Variants in P2RY14 observed in about 807,000 individuals in gnomAD.
P2RY14 encodes purinergic receptor P2Y14, also known as P2Y purinoceptor 14.
Under a neutral mutation model 0.9 loss-of-function variants are expected in P2RY14, and 2 were observed. The ratio of observed to expected loss-of-function variants is 2.16; its 90% confidence interval spans 0.88 to 6.79. The LOEUF is 6.79. Among genes scored for constraint, P2RY14 ranks in the 30% most tolerant of loss-of-function variants. The pLI, the probability that P2RY14 is intolerant of heterozygous loss-of-function variation, is 0.05. For missense variants in P2RY14, 378 were observed against 400.1 expected (o/e 0.94, Z 0.47); for synonymous variants, 158 against 147.2 (o/e 1.07, Z -0.53).
intron 1 of P2RY14, among the ~76,000 whole-genome samples, chr3:151,266,520 T>A (rs1036979984): frequency 1.3e-5 from 2 of 152,242 alleles, no homozygotes; most frequent in Non-Finnish European, 2.9e-5. Flanking sequence ...CAGTCCTTTT[T>A]AAAAATCGCG....
At chr3:151,217,454 G>A (rs1452630506) in intron 2 of P2RY14, among the ~76,000 whole-genome samples, 1 of 152,200 alleles carries the variant, frequency 6.6e-6, no homozygotes, top group Non-Finnish European at 1.5e-5. Flanking sequence ...CTTTGAGTTG[G>A]ATGGAAGGGA....
chr3:151,277,226 A>T (rs146227228), intron 1 of P2RY14, among the ~76,000 whole-genome samples: 112 of 151,380 alleles, frequency 7.4e-4, no homozygotes, highest in African/African-American at 2.6e-3. Flanking sequence ...TTTTTTCCAG[A>T]CATGACAATA....
intron 1 of P2RY14, among the ~76,000 whole-genome samples, chr3:151,236,631 T>C (rs1339044559): frequency 6.6e-6 from 1 of 152,216 alleles, no homozygotes; most frequent in African/African-American, 2.4e-5. Context: ...TCTTTCACTT[T>C]TCCTGTTTTA....
chr3:151,271,948 A>G (rs551503622), intron 1 of P2RY14, among the ~76,000 whole-genome samples: 1 of 152,344 alleles, frequency 6.6e-6, no homozygotes, highest in Admixed American at 6.5e-5. Flanking sequence ...TCAAACCTCA[A>G]TGAACTCTAC....
intron 1 of P2RY14, among the ~76,000 whole-genome samples, chr3:151,235,571 G>A (rs1481841042): frequency 6.6e-6 from 1 of 152,130 alleles, no homozygotes; most frequent in East Asian, 1.9e-4. Flanking sequence ...GGGCGTGCCT[G>A]TAATCCCAGT....
chr3:151,237,996 T>C (rs1733266103), intron 1 of P2RY14, among the ~76,000 whole-genome samples: 1 of 152,190 alleles, frequency 6.6e-6, no homozygotes, highest in African/African-American at 2.4e-5. Context: ...TGACTTACTG[T>C]TTTCACTTTT....
At chr3:151,215,070 G>A (rs1019155125) in intron 2 of P2RY14, among the ~76,000 whole-genome samples, 2 of 151,354 alleles carry the variant, frequency 1.3e-5, no homozygotes, top group East Asian at 1.9e-4. Flanking sequence ...AATGTTAACC[G>A]GTATTTTTGG....
chr3:151,214,679 A>G lies in P2RY14; in HGVS notation c.-24-339T>C, dbSNP rs1727854106. 2.0e-5 allele frequency among the ~76,000 whole-genome samples: 3 copies of G among 151,816 alleles called. 1 individual carries two copies. Among genetic ancestry groups the G allele is most frequent in the South Asian group, 4.2e-4 (2 of 4,816 alleles). On this transcript the variant is annotated intron_variant, in intron 2 of 2. Coordinates refer to ENST00000309170, the MANE Select transcript of P2RY14 (RefSeq NM_014879.4). ...AAGAATGGAGCAGACAGGTGGCAGT[A>G]AAGAGAAACTGGAGCAGCAGGGCAG...
intron 2 of P2RY14, among the ~76,000 whole-genome samples, chr3:151,217,558 A>G (rs1038740721): frequency 2.6e-5 from 4 of 152,152 alleles, no homozygotes; most frequent in African/African-American, 7.2e-5. Flanking sequence ...AAACACTGCT[A>G]TTTTGGCAGT....
intron 1 of P2RY14, among the ~76,000 whole-genome samples, chr3:151,273,888 T>C (rs1025664465): frequency 1.3e-5 from 2 of 152,242 alleles, no homozygotes; most frequent in Admixed American, 6.5e-5. Context: ...TTTTTGTCCA[T>C]TCATGTAACA....
chr3:151,229,628 A>C (rs1577043329), intron 1 of P2RY14, among the ~76,000 whole-genome samples: 2 of 150,944 alleles, frequency 1.3e-5, no homozygotes, highest in East Asian at 4.0e-4. Context: ...ACAGGCGCCC[A>C]CCACCATGCC....
intron 2 of P2RY14, among the ~76,000 whole-genome samples, chr3:151,217,722 A>G (rs1286686424): frequency 6.6e-6 from 1 of 152,204 alleles, no homozygotes; most frequent in African/African-American, 2.4e-5. Flanking sequence ...ACTCTAAAGG[A>G]ACAAGCTAAA....
At chr3:151,271,691 C>T (rs1177147582) in intron 1 of P2RY14, among the ~76,000 whole-genome samples, 2 of 152,034 alleles carry the variant, frequency 1.3e-5, no homozygotes, top group Non-Finnish European at 2.9e-5. Context: ...TGCGGGCCCA[C>T]AATATAGGTA....
intron 1 of P2RY14, among the ~76,000 whole-genome samples, chr3:151,250,426 A>G (rs1736613183): frequency 6.6e-6 from 1 of 152,192 alleles, no homozygotes; most frequent in African/African-American, 2.4e-5. Context: ...CCATTAAATA[A>G]TAATTCTCCA....
chr3:151,226,644 G>A (rs1373823343), intron 1 of P2RY14, among the ~76,000 whole-genome samples: 2 of 152,082 alleles, frequency 1.3e-5, no homozygotes, highest in Non-Finnish European at 2.9e-5. Context: ...GTGCATGTGT[G>A]TATGTTTGAG....
At chr3:151,251,616 C>T (rs1213332017) in intron 1 of P2RY14, among the ~76,000 whole-genome samples, 2 of 152,172 alleles carry the variant, frequency 1.3e-5, no homozygotes, top group Non-Finnish European at 2.9e-5. Flanking sequence ...TGTGATTTGA[C>T]ACCTCTTCTT....
chr3:151,264,792 C>T (rs1028041543), intron 1 of P2RY14, among the ~76,000 whole-genome samples: 3 of 152,094 alleles, frequency 2.0e-5, no homozygotes, highest in African/African-American at 7.2e-5. Context: ...TGTGTGTGGT[C>T]TCATCACACT....
chr3:151,269,366 C>T (rs1020477117), intron 1 of P2RY14: 1 of 166,332 alleles, frequency 6.0e-6, no homozygotes, highest in South Asian at 1.5e-4. Flanking sequence ...TGCCATTGCA[C>T]TCCAGCCTGG....
At chr3:151,241,637 CAGT>C (rs974494265) in intron 1 of P2RY14, among the ~76,000 whole-genome samples, 9 of 152,050 alleles carry the variant, frequency 5.9e-5, no homozygotes, top group Admixed American at 2.0e-4. Context: ...TATACACACA[CAGT>C]AGGATATTTT....
Sources: allele counts gnomAD v4.1 joint callset (sites outside exome capture counted in the v4.1 genomes callset), GRCh38; gene constraint gnomAD v4.1.1; transcripts MANE v1.5; gene names NCBI Gene and HGNC (gene_info 2026-07-23, HGNC 2026-07-21).